RBFOX2: variants seen among roughly 807,000 people sequenced by gnomAD.
RBFOX2 encodes the protein RNA binding protein fox-1 homolog 2.
Under a neutral mutation model 49.1 loss-of-function variants are expected in RBFOX2, and 10 were observed. That is an observed-to-expected ratio of 0.20 (90% CI 0.13 to 0.35). The LOEUF is 0.35. Among genes scored for constraint, RBFOX2 ranks in the 10% least tolerant of loss-of-function variants. The pLI is 1.00. For missense variants in RBFOX2, 323 were observed against 486.9 expected (o/e 0.66, Z 3.17); for synonymous variants, 183 against 187.4 (o/e 0.98, Z 0.19).
intron 1 of RBFOX2, among the ~76,000 whole-genome samples, chr22:35,891,369 A>T (rs2047221803): frequency 6.6e-6 from 1 of 152,094 alleles, no homozygotes; most frequent in Non-Finnish European, 1.5e-5. Context: ...TCCTGACCTC[A>T]TGATCCGCCA....
exon 12 of RBFOX2, chr22:35,740,550 C>T (rs1929412507): frequency 6.6e-6 from 1 of 152,610 alleles, no homozygotes. Flanking sequence ...TCCCTTTCCT[C>T]CTAGTATCTG....
At chr22:35,847,465 T>C (rs768980741) in intron 1 of RBFOX2, among the ~76,000 whole-genome samples, 9 of 152,272 alleles carry the variant, frequency 5.9e-5, no homozygotes, top group Middle Eastern at 3.4e-3. Flanking sequence ...CATTATGCAA[T>C]GGAAAGCTTG....
intron 9 of RBFOX2, among the ~76,000 whole-genome samples, chr22:35,748,979 T>C (rs1008579655): frequency 2.0e-5 from 3 of 152,178 alleles, no homozygotes. Flanking sequence ...CTAAGTGAGG[T>C]TGCTGACAGA....
upstream of RBFOX2, among the ~76,000 whole-genome samples, chr22:35,844,004 A>G (rs767816087): frequency 2.0e-4 from 31 of 152,290 alleles, no homozygotes; most frequent in Non-Finnish European, 1.9e-4. Context: ...TCTATTTTTG[A>G]GCACATACAT....
intron 1 of RBFOX2, among the ~76,000 whole-genome samples, chr22:35,902,802 G>A (rs1444615036): frequency 7.1e-6 from 1 of 141,240 alleles, no homozygotes; most frequent in South Asian, 2.2e-4. Flanking sequence ...ATGCCACCAC[G>A]CCCAGCTAAT....
intron 1 of RBFOX2, chr22:35,999,760 G>A (rs958809741): frequency 6.6e-6 from 1 of 152,024 alleles, no homozygotes; most frequent in Non-Finnish European, 1.5e-5. Flanking sequence ...ACACACTGTT[G>A]CATAGGTACT....
chr22:35,815,838 T>G (rs1285036307), intron 1 of RBFOX2, among the ~76,000 whole-genome samples: 1 of 152,222 alleles, frequency 6.6e-6, no homozygotes, highest in Non-Finnish European at 1.5e-5. Context: ...TTACAAATTA[T>G]ATCATTTTGA....
rs753814014 is a variant in RBFOX2 at position 35,746,551 on chromosome 22, G to A, written c.898C>T (p.Gln300Ter). 4 of 1,597,178 alleles carry A rather than the reference G, an allele frequency of 2.5e-6. No individual in the cohort carries two copies. The highest frequency in any genetic ancestry group is 2.6e-6 in the Non-Finnish European group (3 of 1,170,578). ...AGCAGGCTGTGCATATCTGTAGGCT[G>A]CATATCCACCCTACAGGAGAGAAGA... Residue 300 changes from glutamine to a stop codon, truncating the protein, a stop_gained, in exon 10 of 12, where the codon CAG becomes TAG. Transcript: ENST00000405409. LOFTEE classifies it high-confidence loss of function.
chr22:35,948,082 CT>C (rs2054513213), intron 1 of RBFOX2, among the ~76,000 whole-genome samples: 1 of 152,150 alleles, frequency 6.6e-6, no homozygotes, highest in African/African-American at 2.4e-5. Flanking sequence ...TGTATTTTTG[CT>C]GTACATGTTT....
At chr22:35,938,976 C>T (rs1018771190), upstream of RBFOX2, 4 of 1,348,016 alleles carry the variant, frequency 3.0e-6, no homozygotes, top group Admixed American at 6.8e-5. Flanking sequence ...CCAAACTGAT[C>T]AAATATAAAT....
intron 1 of RBFOX2, among the ~76,000 whole-genome samples, chr22:35,837,062 A>C (rs552613406): frequency 8.5e-5 from 13 of 152,366 alleles, no homozygotes; most frequent in African/African-American, 2.9e-4. Context: ...CGGCTATATT[A>C]GAATTTTGTG....
chr22:35,824,214 C>T (rs1387303033), intron 1 of RBFOX2: 2 of 151,450 alleles, frequency 1.3e-5, no homozygotes, highest in African/African-American at 2.4e-5. Context: ...CATCTACAAA[C>T]ACACCCAGCA....
intron 1 of RBFOX2, among the ~76,000 whole-genome samples, chr22:35,920,202 T>C (rs139788029): frequency 4.6e-5 from 7 of 152,382 alleles, no homozygotes; most frequent in African/African-American, 1.4e-4. Flanking sequence ...CTAATGTATC[T>C]AATTGCATGT....
chr22:35,783,943 C>G (rs190337683), intron 2 of RBFOX2, among the ~76,000 whole-genome samples: 1 of 152,206 alleles, frequency 6.6e-6, no homozygotes, highest in Non-Finnish European at 1.5e-5. Context: ...GCACACCCCC[C>G]TGAAAACCAC....
chr22:35,810,653 G>A (rs1951695815), intron 1 of RBFOX2, among the ~76,000 whole-genome samples: 1 of 152,076 alleles, frequency 6.6e-6, no homozygotes, highest in African/African-American at 2.4e-5. Context: ...TAACATCAAA[G>A]TAAGTCCAAG....
At chr22:35,920,563 T>C (rs1239428878) in intron 1 of RBFOX2, among the ~76,000 whole-genome samples, 1 of 152,204 alleles carries the variant, frequency 6.6e-6, no homozygotes, top group Middle Eastern at 3.2e-3. Flanking sequence ...CAAAATCTGC[T>C]TACTGCCTTA....
At chr22:35,932,604 C>A (rs5756001) in intron 1 of RBFOX2, among the ~76,000 whole-genome samples, 12,319 of 152,144 alleles carry the variant, frequency 0.081, 513 homozygotes, top group African/African-American at 0.095. Context: ...GAATGGGCCC[C>A]GCGTGGTGGT....
At chr22:35,864,742 T>C (rs1468636788) in intron 1 of RBFOX2, among the ~76,000 whole-genome samples, 1 of 152,242 alleles carries the variant, frequency 6.6e-6, no homozygotes, top group Non-Finnish European at 1.5e-5. Context: ...TTTCTTTTCC[T>C]AATGCACACA....
At chr22:35,901,884 C>A (rs955901978) in intron 1 of RBFOX2, among the ~76,000 whole-genome samples, 1 of 152,030 alleles carries the variant, frequency 6.6e-6, no homozygotes, top group Admixed American at 6.6e-5. Flanking sequence ...GAGTTCAAGA[C>A]CAGCCTGGCC....
Sources: gnomAD v4.1 joint callset for allele counts (sites outside exome capture counted in the v4.1 genomes callset) on GRCh38, gnomAD v4.1.1 for gene constraint, MANE v1.5 for transcripts, NCBI Gene and HGNC (gene_info 2026-07-23, HGNC 2026-07-21) for gene names.